UST: variants seen among roughly 807,000 people sequenced by gnomAD.
UST encodes chondroitin sulfate 2-O-sulfotransferase.
A neutral mutation model predicts 45.6 loss-of-function variants in UST; 21 were observed. The observed-to-expected ratio is 0.46, with a 90% CI of 0.33 to 0.66. The LOEUF (loss-of-function observed/expected upper bound fraction) is 0.66, where lower values mean the gene tolerates loss of function less well. UST is among the 30% of genes least tolerant of loss of function. The pLI is 0.02. For synonymous variants in UST, 215 were observed against 200.6 expected, an observed-to-expected ratio of 1.07 and a Z score of -0.61; for missense variants, 463 against 512.4, an observed-to-expected ratio of 0.90 and a Z score of 0.93.
At position 149,075,162 on chromosome 6, in the gene UST, C is replaced by T. The variant is rs535686468; in HGVS notation, c.*1046C>T. ...GGAAGTTCTAGGAACCAATTTAGCTCAGGCATTTGACTCCTACAGCAGAAG... is the reference window on the plus strand; with the variant it reads ...GGAAGTTCTAGGAACCAATTTAGCTTAGGCATTTGACTCCTACAGCAGAAG... On this transcript the variant is annotated 3_prime_UTR_variant, in exon 8 of 8. Coordinates refer to ENST00000367463, the MANE Select transcript of UST (RefSeq NM_005715.3). 1 of 152,320 alleles carries T rather than the reference C, an allele frequency of 6.6e-6. No homozygotes were observed. The highest frequency in any genetic ancestry group is 2.4e-5 in the African/African-American group (1 of 41,568). 9.4% of individuals were successfully genotyped at this position (152,320 alleles called of 1,614,324 possible).
chr6:148,872,774 G>C (rs930133194), intron 1 of UST, among the ~76,000 whole-genome samples: 2 of 152,094 alleles, frequency 1.3e-5, no homozygotes, highest in Admixed American at 1.3e-4. Context: ...TGCACTCCCT[G>C]ACTCGTGGCC....
intron 2 of UST, among the ~76,000 whole-genome samples, chr6:148,900,478 G>A (rs1033743545): frequency 8.5e-5 from 13 of 152,120 alleles, no homozygotes; most frequent in African/African-American, 2.4e-4. Flanking sequence ...ATCAAGGGGC[G>A]TTTCCCTGCA....
intron 2 of UST, among the ~76,000 whole-genome samples, chr6:148,897,227 GTATGATCTCGGC>G (rs1162088779): frequency 6.6e-6 from 1 of 151,768 alleles, no homozygotes; most frequent in Non-Finnish European, 1.5e-5. Context: ...GAGTATAGTG[GTATGATCTCGGC>G]TCACTGCAAC....
intron 4 of UST, among the ~76,000 whole-genome samples, chr6:148,962,487 C>T (rs1780682088): frequency 6.6e-6 from 1 of 152,188 alleles, no homozygotes; most frequent in Non-Finnish European, 1.5e-5. Context: ...CCTTGTCTTC[C>T]TAGTCCCTAG....
At chr6:148,945,047 T>C (rs1389885536) in intron 3 of UST, among the ~76,000 whole-genome samples, 1 of 145,662 alleles carries the variant, frequency 6.9e-6, no homozygotes, top group Non-Finnish European at 1.5e-5. Context: ...CATAATTACT[T>C]TCATTCTCTT....
At chr6:148,978,792 A>G (rs1466692155) in intron 5 of UST, among the ~76,000 whole-genome samples, 1 of 152,190 alleles carries the variant, frequency 6.6e-6, no homozygotes, top group East Asian at 1.9e-4. Flanking sequence ...ATACCTGTGT[A>G]ACAAACCTGC....
At chr6:149,045,353 T>C (rs983731569) in intron 7 of UST, among the ~76,000 whole-genome samples, 2 of 152,226 alleles carry the variant, frequency 1.3e-5, no homozygotes, top group Non-Finnish European at 2.9e-5. Flanking sequence ...CAATGCTACA[T>C]AGAAATAAGG....
intron 1 of UST, among the ~76,000 whole-genome samples, chr6:148,870,597 C>T (rs987364539): frequency 5.3e-5 from 8 of 152,332 alleles, no homozygotes; most frequent in African/African-American, 1.9e-4. Context: ...CCTTCTCTTG[C>T]TGTCAGCGTC....
intron 1 of UST, among the ~76,000 whole-genome samples, chr6:148,767,842 T>A (rs1776350372): frequency 6.6e-6 from 1 of 152,198 alleles, no homozygotes; most frequent in Non-Finnish European, 1.5e-5. Context: ...CACATCTTTA[T>A]ATATTTTTTT....
intron 5 of UST, among the ~76,000 whole-genome samples, chr6:149,001,363 G>A (rs773436737): frequency 4.6e-5 from 7 of 152,188 alleles, no homozygotes; most frequent in African/African-American, 1.4e-4. Context: ...AAGCCACCGC[G>A]CCTGGCCTGG....
chr6:148,808,210 T>C (rs1195456140), intron 1 of UST, among the ~76,000 whole-genome samples: 1 of 152,232 alleles, frequency 6.6e-6, no homozygotes, highest in African/African-American at 2.4e-5. Flanking sequence ...AGGCAGGCCG[T>C]GAGGGAGCCT....
chr6:148,859,315 C>G (rs1322744110), intron 1 of UST, among the ~76,000 whole-genome samples: 1 of 152,178 alleles, frequency 6.6e-6, no homozygotes, highest in African/African-American at 2.4e-5. Flanking sequence ...TGTTCATATC[C>G]TTTGCCCACT....
chr6:148,865,059 T>C (rs1405543133), intron 1 of UST, among the ~76,000 whole-genome samples: 2 of 152,248 alleles, frequency 1.3e-5, no homozygotes, highest in African/African-American at 4.8e-5. Context: ...GTGAACATTA[T>C]GTTGGCTTGG....
chr6:148,989,932 A>G (rs1582946467), intron 5 of UST, among the ~76,000 whole-genome samples: 1 of 152,340 alleles, frequency 6.6e-6, no homozygotes, highest in Admixed American at 6.5e-5. Context: ...AGATGGAAGA[A>G]TGTCTAAGTC....
chr6:148,810,140 A>G (rs149932252), intron 1 of UST, among the ~76,000 whole-genome samples: 13 of 152,364 alleles, frequency 8.5e-5, no homozygotes, highest in African/African-American at 2.2e-4. Context: ...GCTGAACATT[A>G]AAACTTTGGG....
chr6:148,990,875 G>A (rs946303050), intron 5 of UST, among the ~76,000 whole-genome samples: 5 of 152,204 alleles, frequency 3.3e-5, no homozygotes, highest in Non-Finnish European at 5.9e-5. Context: ...CGTAGACTCA[G>A]TAAGACTTGG....
At chr6:148,903,608 A>T (rs1334322755) in intron 2 of UST, among the ~76,000 whole-genome samples, 1 of 152,212 alleles carries the variant, frequency 6.6e-6, no homozygotes, top group Non-Finnish European at 1.5e-5. Flanking sequence ...ACTAATGGGG[A>T]CAGACAGTTT....
rs139150670 is a variant in UST, at chr6:148,994,775, G to A, written c.682-24364G>A. 2.8e-4 allele frequency among the ~76,000 whole-genome samples: 42 copies of A among 151,358 alleles called. 1 individual carries two copies. In the East Asian group the frequency reaches 7.8e-3, roughly 28 times the overall value. On this transcript the variant is annotated intron_variant, in intron 5 of 7. Coordinates refer to ENST00000367463, the MANE Select transcript of UST (RefSeq NM_005715.3). ...CCACCAGGCTCTTTTCCTTTTTCCC[G>A]TTTTCCTTGCCCTGCTCACTGCAGT... is the stretch of plus-strand genomic sequence containing the variant.
At chr6:148,858,351 G>T (rs1344416892) in intron 1 of UST, among the ~76,000 whole-genome samples, 1 of 152,140 alleles carries the variant, frequency 6.6e-6, no homozygotes, top group Non-Finnish European at 1.5e-5. Flanking sequence ...ATGTTCGAGG[G>T]CAGGAAGTAT....
Sources: allele counts gnomAD v4.1 joint callset (sites outside exome capture counted in the v4.1 genomes callset), GRCh38; gene constraint gnomAD v4.1.1; transcripts MANE v1.5; gene names NCBI Gene and HGNC (gene_info 2026-07-23, HGNC 2026-07-21).